Variants in DLG2 observed in about 807,000 individuals in gnomAD.
The protein encoded by DLG2 is discs large MAGUK scaffold protein 2, also known as disks large homolog 2.
Under a neutral mutation model 132.5 loss-of-function variants are expected in DLG2, and 45 were observed. The ratio of observed to expected loss-of-function variants is 0.34; its 90% CI spans 0.27 to 0.44. DLG2 has a LOEUF of 0.44. DLG2 is among the 20% of genes least tolerant of loss of function. The probability of loss-of-function intolerance (pLI) is 1.00; values close to 1 mark genes in which losing one functional copy is unlikely to be tolerated. For missense variants in DLG2, 1,045 were observed against 1,196.9 expected, an observed-to-expected ratio of 0.87 and a Z score of 1.87; for synonymous variants, 424 against 419.6, an observed-to-expected ratio of 1.01 and a Z score of -0.13.
At chr11:85,562,512 G>GTAATTAAAAATT (rs1486374879) in intron 3 of DLG2, among the ~76,000 whole-genome samples, 3 of 151,770 alleles carry the variant, frequency 2.0e-5, no homozygotes, top group Non-Finnish European at 4.4e-5. Flanking sequence ...AAAAACTACA[G>GTAATTAAAAATT]ACTTCTGAGA....
intron 18 of DLG2, 171 bp downstream of exon 18, chr11:83,786,519 G>A: frequency 1.8e-6 from 1 of 566,058 alleles, no homozygotes. Flanking sequence ...AAGATTAGAG[G>A]TAACAAAGCC....
intron 7 of DLG2, among the ~76,000 whole-genome samples, chr11:84,401,259 G>A (rs1217277949): frequency 6.6e-6 from 1 of 152,140 alleles, no homozygotes; most frequent in Non-Finnish European, 1.5e-5. Context: ...GCAGAACCTT[G>A]CAGACTCTCT....
Position 84,901,115 on chromosome 11 carries a change from G to T in DLG2, c.357+210546C>A, listed in dbSNP as rs551690378. Among the ~76,000 whole-genome samples the T allele has an allele frequency of 2.6e-5, 4 of 152,110 alleles. No individual in the cohort carries two copies. In the South Asian group the frequency reaches 8.3e-4, roughly 32 times the overall value. On this transcript the variant is annotated intron_variant, in intron 6 of 27. Coordinates refer to ENST00000376104, the MANE Select transcript of DLG2 (RefSeq NM_001142699.3). Reference sequence around the variant, plus strand: ...TAGACATTTAAAAATCCATTTAAAAGCGAAGACATACCCTCTGACACCATG... The same window carrying T: ...TAGACATTTAAAAATCCATTTAAAATCGAAGACATACCCTCTGACACCATG...
chr11:84,853,693 G>A (rs928843399), intron 6 of DLG2, among the ~76,000 whole-genome samples: 5 of 152,010 alleles, frequency 3.3e-5, no homozygotes, highest in African/African-American at 4.8e-5. Flanking sequence ...TTTACTGAGG[G>A]CAAACAAGAC....
At chr11:83,686,672 C>G (rs1017110187) in intron 18 of DLG2, among the ~76,000 whole-genome samples, 1 of 152,056 alleles carries the variant, frequency 6.6e-6, no homozygotes, top group African/African-American at 2.4e-5. Flanking sequence ...TCTTACTGTC[C>G]CTACATTATA....
rs1033478858 is a variant in DLG2, at chr11:85,350,161, A to G, written c.41-64796T>C. 3.9e-5 allele frequency among the ~76,000 whole-genome samples: 6 copies of G among 152,378 alleles called. 1 individual carries two copies. The highest frequency in any genetic ancestry group is 1.4e-4 in the African/African-American group (6 of 41,600). On this transcript the variant is annotated intron_variant, in intron 3 of 27. Coordinates refer to ENST00000376104, the MANE Select transcript of DLG2 (RefSeq NM_001142699.3). ...TTTGATTTGCATTTCTCTGATGACC[A>G]GTGATGATGAGCATTTTTTCACATA... is the stretch of plus-strand genomic sequence containing the variant.
rs184337146 is a variant in DLG2 at position 84,892,184 on chromosome 11, C to T, written c.357+219477G>A. Among the ~76,000 whole-genome samples the T allele has an allele frequency of 5.3e-5, 8 of 152,178 alleles. No homozygotes were observed. The East Asian group carries it at 1.5e-3, about 29-fold the overall frequency. Reference sequence around the variant, plus strand: ...ATGATATGTTGTGACACATGAAAGGCAACTGATGTCATAGGATATTTGCCA... The same window carrying T: ...ATGATATGTTGTGACACATGAAAGGTAACTGATGTCATAGGATATTTGCCA... On this transcript the variant is annotated intron_variant, in intron 6 of 27. Coordinates refer to ENST00000376104, the MANE Select transcript of DLG2 (RefSeq NM_001142699.3).
chr11:84,130,335 G>T (rs2094360981), intron 9 of DLG2, among the ~76,000 whole-genome samples: 1 of 151,864 alleles, frequency 6.6e-6, no homozygotes, highest in East Asian at 1.9e-4. Context: ...AACAAGAGAA[G>T]AAATCACACC....
intron 6 of DLG2, among the ~76,000 whole-genome samples, chr11:85,102,114 C>G (rs752914349): frequency 3.3e-5 from 5 of 152,066 alleles, no homozygotes; most frequent in Non-Finnish European, 7.4e-5. Context: ...AAAAAAAAGC[C>G]TCTTCTAAAT....
chr11:84,911,474 T>A (rs2154077610), intron 6 of DLG2, among the ~76,000 whole-genome samples: 1 of 152,032 alleles, frequency 6.6e-6, no homozygotes, highest in East Asian at 1.9e-4. Flanking sequence ...TTCTCAATTA[T>A]TTGAATCATT....
intron 3 of DLG2, among the ~76,000 whole-genome samples, chr11:85,351,783 T>G (rs1224271249): frequency 6.6e-6 from 1 of 152,158 alleles, no homozygotes; most frequent in Non-Finnish European, 1.5e-5. Context: ...TGGATAAGCT[T>G]TTTGAAGTGC....
chr11:85,501,382 C>G (rs1348691955), intron 3 of DLG2, among the ~76,000 whole-genome samples: 1 of 152,126 alleles, frequency 6.6e-6, no homozygotes, highest in Non-Finnish European at 1.5e-5. Context: ...GTCTAAAACA[C>G]CAAAAGCAAT....
rs1281960850 is a variant in DLG2, at chr11:85,013,517, A to C, written c.357+98144T>G. Among the ~76,000 whole-genome samples the C allele has an allele frequency of 5.3e-5, 8 of 152,136 alleles. 1 individual carries two copies. The highest frequency in any genetic ancestry group is 5.2e-4 in the Admixed American group (8 of 15,252). On this transcript the variant is annotated intron_variant, in intron 6 of 27. Coordinates refer to ENST00000376104, the MANE Select transcript of DLG2 (RefSeq NM_001142699.3). The stretch of plus-strand genomic sequence containing the variant: ...TGTCCTCATTGTTACTAATGTCCTA[A>C]ATCAGAGCATATGATAAAAACAGGA...
chr11:83,620,842 C>G (rs1402326300), intron 19 of DLG2, among the ~76,000 whole-genome samples: 1 of 121,836 alleles, frequency 8.2e-6, no homozygotes, highest in East Asian at 2.6e-4. Context: ...TGCACTCCAG[C>G]CTGGGCGACA....
At chr11:84,174,425 C>T (rs957880084) in intron 8 of DLG2, among the ~76,000 whole-genome samples, 1 of 152,124 alleles carries the variant, frequency 6.6e-6, no homozygotes, top group Non-Finnish European at 1.5e-5. Context: ...CCCCAACCTA[C>T]CTTTCTAGCT....
intron 7 of DLG2, among the ~76,000 whole-genome samples, chr11:84,280,419 C>T (rs1273534526): frequency 1.3e-5 from 2 of 151,916 alleles, no homozygotes; most frequent in African/African-American, 4.8e-5. Flanking sequence ...TAGGCGCACA[C>T]CACCATGCCC....
intron 18 of DLG2, among the ~76,000 whole-genome samples, chr11:83,722,016 C>G (rs1417107009): frequency 6.6e-6 from 1 of 152,108 alleles, no homozygotes. Flanking sequence ...AGTTATATGA[C>G]TGACAAGAAG....
intron 7 of DLG2, among the ~76,000 whole-genome samples, chr11:84,276,862 T>G (rs10792751): frequency 0.64 from 97,281 of 152,040 alleles, 31,501 homozygotes; most frequent in Middle Eastern, 0.73. Context: ...TGGATTTGCA[T>G]TCCCACCTAA....
intron 4 of DLG2, among the ~76,000 whole-genome samples, chr11:85,199,908 C>T (rs1486716184): frequency 1.3e-5 from 2 of 151,384 alleles, no homozygotes; most frequent in Admixed American, 6.6e-5. Flanking sequence ...ACACCAAGAA[C>T]GCAGAATATT....
Sources: allele counts gnomAD v4.1 joint callset (sites outside exome capture counted in the v4.1 genomes callset), GRCh38; gene constraint gnomAD v4.1.1; transcripts MANE v1.5; gene names NCBI Gene and HGNC (gene_info 2026-07-23, HGNC 2026-07-21).